The following SMARCC1 variants were observed in gnomAD, a reference collection of about 807,000 sequenced individuals.
The protein encoded by SMARCC1 is SWI/SNF complex subunit SMARCC1.
Under a neutral mutation model 147.4 loss-of-function variants are expected in SMARCC1, and 43 were observed. The observed-to-expected ratio is 0.29, with a 90% CI of 0.23 to 0.38. SMARCC1 has a LOEUF of 0.38. Among genes scored for constraint, SMARCC1 ranks in the 10% least tolerant of loss-of-function variants. The probability of loss-of-function intolerance (pLI) is 1.00; values close to 1 mark genes in which losing one functional copy is unlikely to be tolerated. For synonymous variants in SMARCC1, 495 were observed against 484.4 expected (o/e 1.02, Z -0.29); for missense variants, 1,119 against 1,381.1 (o/e 0.81, Z 3.01).
chr3:47,606,534 G>A (rs1209746547), intron 26 of SMARCC1, among the ~76,000 whole-genome samples: 1 of 152,096 alleles, frequency 6.6e-6, no homozygotes, highest in Non-Finnish European at 1.5e-5. Flanking sequence ...GCACCTCTCT[G>A]CCCATCTTTT....
intron 5 of SMARCC1, among the ~76,000 whole-genome samples, chr3:47,733,400 C>T (rs2034400299): frequency 1.3e-5 from 2 of 150,928 alleles, no homozygotes; most frequent in Non-Finnish European, 2.9e-5. Context: ...TAGGGAAGAC[C>T]CTGTCTCTTC....
chr3:47,761,625 C>CG (rs1365992637), intron 2 of SMARCC1, among the ~76,000 whole-genome samples: 1 of 152,076 alleles, frequency 6.6e-6, no homozygotes. Flanking sequence ...ATTTCTTTCA[C>CG]GTAAGTCCAT....
chr3:47,695,934 G>A (rs2033845522), intron 11 of SMARCC1, among the ~76,000 whole-genome samples: 1 of 133,642 alleles, frequency 7.5e-6, no homozygotes, highest in Non-Finnish European at 1.6e-5. Context: ...GGGCGTGGTG[G>A]TGCATGCCTG....
At chr3:47,757,236 G>C (rs2034710150) in intron 2 of SMARCC1, among the ~76,000 whole-genome samples, 1 of 151,922 alleles carries the variant, frequency 6.6e-6, no homozygotes, top group Non-Finnish European at 1.5e-5. Context: ...GGGTGATTAG[G>C]CCAGACCCCG....
At chr3:47,662,195 T>C in intron 20 of SMARCC1, 139 bp downstream of exon 20, 1 of 793,930 alleles carries the variant, frequency 1.3e-6, no homozygotes, top group Non-Finnish European at 2.0e-6. Context: ...AATACTTTTA[T>C]AAAGAATATG....
intron 10 of SMARCC1, among the ~76,000 whole-genome samples, chr3:47,704,989 CAAAAA>C (rs34157187): frequency 3.0e-5 from 2 of 65,882 alleles, no homozygotes; most frequent in Non-Finnish European, 3.1e-5. Flanking sequence ...GACCCTGTCT[CAAAAA>C]AAAAAAAAAA....
Position 47,706,490 on chromosome 3 carries a change from G to C in SMARCC1, c.959C>G (p.Ala320Gly). The change falls in exon 10 of 28, where the codon GCT becomes GGT. Residue 320 changes from alanine to glycine, a missense_variant. Coordinates refer to ENST00000254480, the MANE Select transcript of SMARCC1 (RefSeq NM_003074.4). ...CGAATGTTTCCTCTTTCGAGCATTA[G>C]CTGATGCTTTTCTATCTCTTCTTTC... Reference protein sequence around the residue: ...SPERRDRKASANARKRKHSPS... With the variant: ...SPERRDRKASGNARKRKHSPS... 1 of 1,583,568 alleles carries C rather than the reference G, an allele frequency of 6.3e-7. No individual in the cohort carries two copies. The highest frequency in any genetic ancestry group is 8.6e-7 in the Non-Finnish European group (1 of 1,168,390).
At chr3:47,636,438 T>C (rs1436977079) in intron 22 of SMARCC1, among the ~76,000 whole-genome samples, 3 of 152,168 alleles carry the variant, frequency 2.0e-5, no homozygotes, top group Non-Finnish European at 4.4e-5. Context: ...GGGAATTAAC[T>C]GATATTTTTG....
intron 1 of SMARCC1, 84 bp downstream of exon 1, chr3:47,781,519 G>C (rs1384953706): frequency 3.1e-6 from 3 of 970,136 alleles, no homozygotes; most frequent in Non-Finnish European, 1.4e-6. Context: ...CGGGGGGGAG[G>C]GGCGGCCCGA....
At chr3:47,695,042 C>T (rs1344223276) in intron 11 of SMARCC1, among the ~76,000 whole-genome samples, 2 of 152,172 alleles carry the variant, frequency 1.3e-5, no homozygotes, top group African/African-American at 4.8e-5. Context: ...ATGAGCTAAA[C>T]ACATAGTAAC....
intron 2 of SMARCC1, among the ~76,000 whole-genome samples, chr3:47,763,566 C>T (rs1236273359): frequency 1.3e-5 from 2 of 151,700 alleles, no homozygotes; most frequent in African/African-American, 2.4e-5. Flanking sequence ...CTCTTGAGCT[C>T]AGAGGACCCA....
At chr3:47,717,375 G>A (rs1260279333) in intron 7 of SMARCC1, among the ~76,000 whole-genome samples, 1 of 152,046 alleles carries the variant, frequency 6.6e-6, no homozygotes, top group African/African-American at 2.4e-5. Flanking sequence ...AAACCAACTG[G>A]TTTCTTAAAA....
intron 24 of SMARCC1, among the ~76,000 whole-genome samples, chr3:47,630,726 T>C (rs922534783): frequency 1.3e-5 from 2 of 152,304 alleles, no homozygotes; most frequent in African/African-American, 4.8e-5. Flanking sequence ...TGTCCGTTAA[T>C]ACCTTGTGAC....
At chr3:47,706,598 A>G (rs147159077) in intron 9 of SMARCC1, 68 bp from the exon 10 acceptor site, 1 of 1,403,600 alleles carries the variant, frequency 7.1e-7, no homozygotes, top group African/African-American at 1.5e-5. Context: ...ATCCTTGGCA[A>G]AAGGTGAATC....
At chr3:47,747,704 T>C (rs1477133428) in intron 2 of SMARCC1, among the ~76,000 whole-genome samples, 1 of 151,812 alleles carries the variant, frequency 6.6e-6, no homozygotes, top group Non-Finnish European at 1.5e-5. Context: ...CCCAGTACTC[T>C]GGTTGAGAAA....
intron 25 of SMARCC1, 125 bp from the exon 26 acceptor site, chr3:47,610,452 T>C (rs1337966170): frequency 2.2e-6 from 2 of 907,882 alleles, no homozygotes; most frequent in Non-Finnish European, 3.5e-6. Context: ...ACCACCTCAC[T>C]TCCTGCACCT....
intron 7 of SMARCC1, among the ~76,000 whole-genome samples, chr3:47,717,682 G>A (rs2034173561): frequency 6.6e-6 from 1 of 152,022 alleles, no homozygotes; most frequent in Admixed American, 6.6e-5. Flanking sequence ...TCCTGCCTCA[G>A]CCCCATCCCA....
intron 1 of SMARCC1, 87 bp downstream of exon 1, chr3:47,781,516 G>A (rs2035048291): frequency 2.1e-6 from 2 of 930,280 alleles, no homozygotes; most frequent in Non-Finnish European, 3.0e-6. Flanking sequence ...GTGCGGGGGG[G>A]AGGGGCGGCC....
At chr3:47,607,249 G>A (rs1320232422) in intron 26 of SMARCC1, among the ~76,000 whole-genome samples, 1 of 152,154 alleles carries the variant, frequency 6.6e-6, no homozygotes, top group African/African-American at 2.4e-5. Flanking sequence ...CAAGTCTGAC[G>A]ATGGTAGTAA....
Sources: gnomAD v4.1 joint callset for allele counts (sites outside exome capture counted in the v4.1 genomes callset) on GRCh38, gnomAD v4.1.1 for gene constraint, MANE v1.5 for transcripts, NCBI Gene and HGNC (gene_info 2026-07-23, HGNC 2026-07-21) for gene names.